Variants in CNTN4 observed in about 807,000 individuals in gnomAD.
The protein encoded by CNTN4 is contactin-4.
A neutral mutation model predicts 122.5 loss-of-function variants in CNTN4; 77 were observed. That is an observed-to-expected ratio of 0.63 (90% CI 0.52 to 0.76). The LOEUF (loss-of-function observed/expected upper bound fraction) is 0.76. CNTN4 is among the 30% of genes least tolerant of loss of function. The probability of loss-of-function intolerance (pLI) is 0.00; values close to 1 mark genes in which losing one functional copy is unlikely to be tolerated. For missense variants in CNTN4, 1,256 were observed against 1,259.1 expected, an observed-to-expected ratio of 1.00 and a Z score of 0.04; for synonymous variants, 512 against 447.0, an observed-to-expected ratio of 1.15 and a Z score of -1.83.
chr3:2,587,393 G>A (rs2080250143), intron 4 of CNTN4, among the ~76,000 whole-genome samples: 1 of 152,140 alleles, frequency 6.6e-6, no homozygotes, highest in Admixed American at 6.5e-5. Flanking sequence ...ATGAAGTACT[G>A]ATAAGACAGG....
chr3:2,386,140 A>G (rs923921162), intron 3 of CNTN4, among the ~76,000 whole-genome samples: 1 of 152,090 alleles, frequency 6.6e-6, no homozygotes, highest in Non-Finnish European at 1.5e-5. Flanking sequence ...ATTTATCTTC[A>G]TATCTCATTG....
Position 2,238,919 on chromosome 3 carries a change from G to A in CNTN4, c.-144-100259G>A, listed in dbSNP as rs573188512. On this transcript the variant is annotated intron_variant, in intron 2 of 24. Coordinates refer to ENST00000418658, the MANE Select transcript of CNTN4 (RefSeq NM_175607.3). ...TTTTTGTATTTTTAGTAGAGACGGG[G>A]TTTCACCGTGTTAGCCAGGATGGTC... 30 of 125,452 alleles carry A rather than the reference G, an allele frequency of 2.4e-4. 2 individuals are homozygous for A. Among genetic ancestry groups the A allele is most frequent in the Non-Finnish European group, 2.9e-4 (17 of 58,440 alleles). The allele number at this position is 125,452 out of a possible 1,614,324, so 7.8% of individuals were successfully genotyped here.
intron 3 of CNTN4, among the ~76,000 whole-genome samples, chr3:2,347,359 A>C (rs1215002727): frequency 1.3e-5 from 2 of 148,788 alleles, no homozygotes. Context: ...CTCATATTCC[A>C]CTAGCAAAAG....
At chr3:2,144,392 T>A (rs1278086591) in intron 2 of CNTN4, among the ~76,000 whole-genome samples, 1 of 152,222 alleles carries the variant, frequency 6.6e-6, no homozygotes, top group East Asian at 1.9e-4. Flanking sequence ...CTGATAGTGT[T>A]TTAGACTTTG....
intron 4 of CNTN4, among the ~76,000 whole-genome samples, chr3:2,733,171 T>A (rs937115214): frequency 9.2e-5 from 14 of 152,222 alleles, no homozygotes; most frequent in African/African-American, 3.4e-4. Flanking sequence ...AGTAATAGAC[T>A]CTATATTTCT....
At position 2,307,158 on chromosome 3, in the gene CNTN4, G is replaced by A. The variant is rs555065056; in HGVS notation, c.-144-32020G>A. On this transcript the variant is annotated intron_variant, in intron 2 of 24. Coordinates refer to ENST00000418658, the MANE Select transcript of CNTN4 (RefSeq NM_175607.3). ...ACAATTGAATTGAAATAGCAAGGCCGGGCGCAGTGGCTCACGCCTGTAATC... is the reference window on the plus strand; with the variant it reads ...ACAATTGAATTGAAATAGCAAGGCCAGGCGCAGTGGCTCACGCCTGTAATC... Among the ~76,000 whole-genome samples the A allele has an allele frequency of 5.9e-5, 9 of 152,188 alleles. No homozygotes were observed. In the South Asian group the frequency reaches 8.3e-4, roughly 14 times the overall value.
At chr3:2,552,095 A>T (rs561260719) in intron 3 of CNTN4, among the ~76,000 whole-genome samples, 1 of 152,310 alleles carries the variant, frequency 6.6e-6, no homozygotes, top group East Asian at 1.9e-4. Flanking sequence ...GAGCATACTT[A>T]AGGTAAACTA....
chr3:2,610,845 G>A (rs2081451122), intron 4 of CNTN4, among the ~76,000 whole-genome samples: 1 of 152,082 alleles, frequency 6.6e-6, no homozygotes, highest in Non-Finnish European at 1.5e-5. Context: ...AAAAAGAAAT[G>A]CACAGTTTTC....
Position 2,440,859 on chromosome 3 carries a change from TA to T in CNTN4, c.-89+101627del, listed in dbSNP as rs573822476. Among the ~76,000 whole-genome samples, 82 of 137,222 alleles carry T rather than the reference TA, an allele frequency of 6.0e-4. 1 individual carries two copies. Among genetic ancestry groups the T allele is most frequent in the Non-Finnish European group, 9.9e-4 (62 of 62,680 alleles). 90.0% of individuals were successfully genotyped at this position (137,222 alleles called of 152,430 possible). A position where few individuals can be genotyped will look rare whatever the true frequency, so the allele number is the denominator to read the frequency against. On this transcript the variant is annotated intron_variant, in intron 3 of 24. Transcript: ENST00000418658. ...TATTTTATATATACATATATACATA[TA>T]TCTAACATATATGTATATATGTATA...
chr3:2,780,380 A>G (rs1459410541), intron 6 of CNTN4, among the ~76,000 whole-genome samples: 1 of 152,176 alleles, frequency 6.6e-6, no homozygotes, highest in East Asian at 1.9e-4. Context: ...TCCCCTAAAA[A>G]CATGTTTAAA....
intron 13 of CNTN4, among the ~76,000 whole-genome samples, chr3:2,931,338 A>T (rs1359124560): frequency 6.7e-6 from 1 of 150,044 alleles, no homozygotes; most frequent in African/African-American, 2.4e-5. Flanking sequence ...TCCCATCTTT[A>T]GGAACTGACG....
chr3:2,226,466 A>G (rs2039287360), intron 2 of CNTN4, among the ~76,000 whole-genome samples: 1 of 152,172 alleles, frequency 6.6e-6, no homozygotes, highest in South Asian at 2.1e-4. Context: ...GCAGATTTTC[A>G]GGGTTACTAT....
At chr3:2,199,723 C>T (rs2038009559) in intron 2 of CNTN4, among the ~76,000 whole-genome samples, 1 of 152,130 alleles carries the variant, frequency 6.6e-6, no homozygotes, top group South Asian at 2.1e-4. Context: ...CAGTAAATAA[C>T]ATAGCATGTA....
At chr3:2,379,096 C>T (rs1387241858) in intron 3 of CNTN4, among the ~76,000 whole-genome samples, 2 of 152,150 alleles carry the variant, frequency 1.3e-5, no homozygotes, top group Non-Finnish European at 2.9e-5. Flanking sequence ...ATACAATAGG[C>T]ATATGATAGT....
chr3:2,564,153 T>C (rs1003792610), intron 3 of CNTN4, among the ~76,000 whole-genome samples: 9 of 152,182 alleles, frequency 5.9e-5, no homozygotes, highest in Admixed American at 2.0e-4. Context: ...CAAATTATCA[T>C]TGTTGAACTA....
chr3:2,821,913 A>G (rs1298011069), intron 7 of CNTN4, among the ~76,000 whole-genome samples: 2 of 152,212 alleles, frequency 1.3e-5, no homozygotes, highest in African/African-American at 4.8e-5. Context: ...ACACTGTTTT[A>G]TTTTTGTCCT....
At chr3:2,228,317 C>A (rs2039362111) in intron 2 of CNTN4, among the ~76,000 whole-genome samples, 1 of 151,926 alleles carries the variant, frequency 6.6e-6, no homozygotes, top group Non-Finnish European at 1.5e-5. Flanking sequence ...AATAATATTT[C>A]ATTCACAATA....
chr3:2,658,323 T>A (rs1011123063), intron 4 of CNTN4, among the ~76,000 whole-genome samples: 1 of 151,996 alleles, frequency 6.6e-6, no homozygotes, highest in Non-Finnish European at 1.5e-5. Flanking sequence ...AAACCCTGTC[T>A]TACTCACACT....
chr3:2,215,744 G>A (rs1186204), intron 2 of CNTN4, among the ~76,000 whole-genome samples: 9 of 151,990 alleles, frequency 5.9e-5, no homozygotes, highest in African/African-American at 1.2e-4. Flanking sequence ...TAGCCCAGGC[G>A]TGGTGGCATG....
Sources: allele counts gnomAD v4.1 joint callset (sites outside exome capture counted in the v4.1 genomes callset), GRCh38; gene constraint gnomAD v4.1.1; transcripts MANE v1.5; gene names NCBI Gene and HGNC (gene_info 2026-07-23, HGNC 2026-07-21).